The following MRTFA variants were observed in gnomAD, a reference collection of about 807,000 sequenced individuals.
MRTFA encodes the protein myocardin-related transcription factor A.
Under a neutral mutation model 83.5 loss-of-function variants are expected in MRTFA, and 20 were observed. That is an observed-to-expected ratio of 0.24 (90% CI 0.17 to 0.35). The LOEUF (loss-of-function observed/expected upper bound fraction) is 0.35, where lower values mean the gene tolerates loss of function less well. Ranked by LOEUF, MRTFA falls within the 10% of genes least tolerant of loss-of-function variation. The pLI, the probability that MRTFA is intolerant of heterozygous loss-of-function variation, is 1.00. For missense variants in MRTFA, 1,200 were observed against 1,224.7 expected, an observed-to-expected ratio of 0.98 and a Z score of 0.30; for synonymous variants, 659 against 541.2, an observed-to-expected ratio of 1.22 and a Z score of -3.02.
At chr22:40,475,929 G>A (rs1488366687) in intron 3 of MRTFA, among the ~76,000 whole-genome samples, 1 of 152,168 alleles carries the variant, frequency 6.6e-6, no homozygotes, top group Admixed American at 6.5e-5. Flanking sequence ...TGGATCACGA[G>A]GTCAGGAGAT....
chr22:40,578,493 G>C (rs568837803), intron 2 of MRTFA, among the ~76,000 whole-genome samples: 1 of 152,148 alleles, frequency 6.6e-6, no homozygotes, highest in Non-Finnish European at 1.5e-5. Context: ...AGGGCCAGGC[G>C]CAGTGGCTCA....
At chr22:40,478,367 A>T (rs2054032130) in intron 3 of MRTFA, among the ~76,000 whole-genome samples, 1 of 152,194 alleles carries the variant, frequency 6.6e-6, no homozygotes, top group African/African-American at 2.4e-5. Flanking sequence ...TACCATAGTT[A>T]TGTAAGATGC....
chr22:40,469,116 C>T (rs1361241950), intron 3 of MRTFA, among the ~76,000 whole-genome samples: 3 of 152,130 alleles, frequency 2.0e-5, no homozygotes, highest in East Asian at 1.9e-4. Flanking sequence ...CTCTAAAAAT[C>T]GCAATCTACC....
At chr22:40,633,396 T>G (rs1409883616) in intron 1 of MRTFA, among the ~76,000 whole-genome samples, 1 of 152,218 alleles carries the variant, frequency 6.6e-6, no homozygotes, top group Admixed American at 6.5e-5. Context: ...CCACAGTGTT[T>G]TCTCGAAATA....
chr22:40,547,281 G>A (rs1237151011), intron 3 of MRTFA, among the ~76,000 whole-genome samples: 1 of 151,838 alleles, frequency 6.6e-6, no homozygotes, highest in Non-Finnish European at 1.5e-5. Flanking sequence ...TATTAAAGAG[G>A]AGAAAATAGA....
In MRTFA at chr22:40,411,872, G is replaced by C; in HGVS notation, c.2614C>G (p.Pro872Ala). 6.7e-7 allele frequency: 1 copy of C among 1,485,502 alleles called. No individual in the cohort carries two copies. The highest frequency in any genetic ancestry group is 9.0e-7 in the Non-Finnish European group (1 of 1,116,398). 92.0% of individuals were successfully genotyped at this position (1,485,502 alleles called of 1,614,324 possible). ...TTCGGGGATGGCTTCTCCTTCCCTG[G>C]CAGGGATGGCGGCTCCTTGAAATCT... The change falls in exon 15 of 15, where the codon CCA (proline) becomes GCA (alanine). Residue 872 changes from proline (P) to alanine (A), a missense_variant. Around this residue, in one of 2 missense-constraint regions of MRTFA, gnomAD observed 1,107 missense variants for 1,041.8 expected, o/e 1.06. Coordinates refer to ENST00000355630, the MANE Select transcript of MRTFA (RefSeq NM_020831.6).
chr22:40,560,022 T>C (rs1164466041), intron 2 of MRTFA, among the ~76,000 whole-genome samples: 2 of 152,224 alleles, frequency 1.3e-5, no homozygotes, highest in African/African-American at 2.4e-5. Flanking sequence ...GGGTAAATTA[T>C]ATAGTGCTAT....
chr22:40,530,323 G>T (rs1236805526), intron 3 of MRTFA, among the ~76,000 whole-genome samples: 3 of 152,076 alleles, frequency 2.0e-5, no homozygotes, highest in Non-Finnish European at 4.4e-5. Context: ...TTGAGGCAGG[G>T]TCTCGCTCTG....
At chr22:40,431,665 C>T (rs1001415199) in intron 5 of MRTFA, among the ~76,000 whole-genome samples, 185 bp from the exon 6 acceptor site, 1 of 152,114 alleles carries the variant, frequency 6.6e-6, no homozygotes, top group African/African-American at 2.4e-5. Flanking sequence ...CAAAATCCAA[C>T]TGCACCTGCC....
intron 3 of MRTFA, among the ~76,000 whole-genome samples, chr22:40,488,525 T>C (rs1205709003): frequency 1.3e-5 from 2 of 151,908 alleles, no homozygotes; most frequent in Non-Finnish European, 2.9e-5. Flanking sequence ...TCTCTCTTTT[T>C]TTTTAATTAA....
In MRTFA at chr22:40,544,845, G is replaced by A. The variant is rs185097080; in HGVS notation, c.241+7261C>T. On this transcript the variant is annotated intron_variant, in intron 3 of 14. Coordinates refer to ENST00000355630, the MANE Select transcript of MRTFA (RefSeq NM_020831.6). ...CCAACTACTCAGGAGGGTGAGGCAG[G>A]AGGAATATTTGAGCCCAGGAGATTG... Among the ~76,000 whole-genome samples, 12 of 152,150 alleles carry A rather than the reference G, an allele frequency of 7.9e-5. No individual in the cohort carries two copies. In the East Asian group the frequency reaches 2.3e-3, roughly 29 times the overall value.
At chr22:40,506,249 A>T (rs1011779626) in intron 3 of MRTFA, among the ~76,000 whole-genome samples, 3 of 152,210 alleles carry the variant, frequency 2.0e-5, no homozygotes, top group African/African-American at 7.2e-5. Flanking sequence ...ATCTCAAAAA[A>T]AAATAAATAA....
chr22:40,449,268 A>C (rs1463680723), intron 4 of MRTFA, among the ~76,000 whole-genome samples: 1 of 140,996 alleles, frequency 7.1e-6, no homozygotes, highest in Non-Finnish European at 1.6e-5. Context: ...CTCGGTCTCC[A>C]AACGAGAAAA....
intron 4 of MRTFA, among the ~76,000 whole-genome samples, chr22:40,441,737 AGACCGT>A (rs775606858): frequency 2.6e-5 from 4 of 151,888 alleles, no homozygotes; most frequent in Non-Finnish European, 5.9e-5. Context: ...CAGTGAGCCG[AGACCGT>A]GACACTGTAC....
At chr22:40,553,256 C>T (rs1461154526) in intron 2 of MRTFA, among the ~76,000 whole-genome samples, 1 of 152,170 alleles carries the variant, frequency 6.6e-6, no homozygotes, top group Non-Finnish European at 1.5e-5. Context: ...GAAATTCAAG[C>T]CACCTGCAGA....
chr22:40,562,048 CTACAAAAAA>C (rs2147329552), intron 2 of MRTFA, among the ~76,000 whole-genome samples: 1 of 152,144 alleles, frequency 6.6e-6, no homozygotes, highest in African/African-American at 2.4e-5. Context: ...AACCTCAACT[CTACAAAAAA>C]TACAAAAAAA....
At chr22:40,467,675 C>T (rs1379033792) in intron 3 of MRTFA, among the ~76,000 whole-genome samples, 1 of 151,910 alleles carries the variant, frequency 6.6e-6, no homozygotes, top group East Asian at 1.9e-4. Flanking sequence ...GATGATTTTT[C>T]ACAGACAGTA....
intron 1 of MRTFA, among the ~76,000 whole-genome samples, chr22:40,609,187 A>G (rs1416880346): frequency 6.6e-6 from 1 of 151,622 alleles, no homozygotes; most frequent in East Asian, 1.9e-4. Flanking sequence ...GCTTCTCAGG[A>G]GGCTGAGGCA....
intron 3 of MRTFA, among the ~76,000 whole-genome samples, chr22:40,543,701 TAAA>T (rs1433759741): frequency 6.6e-6 from 1 of 152,178 alleles, no homozygotes; most frequent in Non-Finnish European, 1.5e-5. Context: ...AGAAAAATTT[TAAA>T]AACCCATTGG....
Sources: allele counts gnomAD v4.1 joint callset (sites outside exome capture counted in the v4.1 genomes callset), GRCh38; gene constraint gnomAD v4.1.1; regional missense constraint gnomAD v4.1.1; transcripts MANE v1.5; gene names NCBI Gene and HGNC (gene_info 2026-07-23, HGNC 2026-07-21).